Variants in ARHGAP28 observed in about 807,000 individuals in gnomAD.
ARHGAP28 encodes rho GTPase-activating protein 28.
Under a neutral mutation model 90.7 loss-of-function variants are expected in ARHGAP28, and 56 were observed. That is an observed-to-expected ratio of 0.62 (90% CI 0.50 to 0.77). The LOEUF is 0.77. Among genes scored for constraint, ARHGAP28 ranks in the 30% least tolerant of loss-of-function variants. The pLI is 0.00. For missense variants in ARHGAP28, 869 were observed against 900.9 expected (o/e 0.96, Z 0.45); for synonymous variants, 308 against 323.3 (o/e 0.95, Z 0.51).
intron 1 of ARHGAP28, among the ~76,000 whole-genome samples, chr18:6,752,856 A>G (rs1357745453): frequency 6.6e-6 from 1 of 152,178 alleles, no homozygotes; most frequent in Non-Finnish European, 1.5e-5. Flanking sequence ...AAATTAAGCT[A>G]GTATCGTTGC....
intron 1 of ARHGAP28, among the ~76,000 whole-genome samples, chr18:6,757,109 C>T (rs73938286): frequency 6.6e-6 from 1 of 151,898 alleles, no homozygotes. Context: ...CAGTAAAGAG[C>T]ATTACTTAAA....
intron 3 of ARHGAP28, among the ~76,000 whole-genome samples, chr18:6,840,180 ATTC>A (rs2056794788): frequency 6.6e-6 from 1 of 152,286 alleles, no homozygotes; most frequent in Admixed American, 6.5e-5. Context: ...GAGCCTGGGA[ATTC>A]TTCTGAAAAC....
At chr18:6,782,264 C>G (rs2056329847) in intron 1 of ARHGAP28, among the ~76,000 whole-genome samples, 1 of 152,068 alleles carries the variant, frequency 6.6e-6, no homozygotes, top group Non-Finnish European at 1.5e-5. Context: ...GAAGAGTGTT[C>G]ACTGTTTTTT....
intron 1 of ARHGAP28, among the ~76,000 whole-genome samples, chr18:6,783,303 C>CTTT (rs1272954141): frequency 7.1e-6 from 1 of 140,886 alleles, no homozygotes; most frequent in Non-Finnish European, 1.6e-5. Flanking sequence ...AGGGTATTTA[C>CTTT]TTTTTTTTTT....
chr18:6,837,030 T>C (rs1195358642), intron 2 of ARHGAP28, among the ~76,000 whole-genome samples, 167 bp from the exon 3 acceptor site: 1 of 152,232 alleles, frequency 6.6e-6, no homozygotes, highest in Non-Finnish European at 1.5e-5. Context: ...ATTTGACTTA[T>C]TTTAAAAATA....
At chr18:6,891,779 A>T (rs754337777) in intron 14 of ARHGAP28, among the ~76,000 whole-genome samples, 1 of 151,998 alleles carries the variant, frequency 6.6e-6, no homozygotes, top group Non-Finnish European at 1.5e-5. Flanking sequence ...TTTTGTAGAG[A>T]TGGGGGTCTT....
chr18:6,868,123 T>G (rs766318493), intron 5 of ARHGAP28, 27 bp from the exon 6 acceptor site: 3 of 1,579,994 alleles, frequency 1.9e-6, no homozygotes, highest in Non-Finnish European at 2.6e-6. Context: ...GTAAAATGTT[T>G]TGTGTTCATC....
In ARHGAP28 at chr18:6,793,999, T is replaced by C. The variant is rs940126237; in HGVS notation, c.123-30763T>C. The stretch of plus-strand genomic sequence containing the variant: ...TTTCAGTCAGAAAAAAATAAAAATA[T>C]TAGATAACAAACACCATTAAACTTT... On this transcript the variant is annotated intron_variant, in intron 1 of 17. Coordinates refer to ENST00000383472, the MANE Select transcript of ARHGAP28 (RefSeq NM_001366230.1). Among the ~76,000 whole-genome samples the C allele has an allele frequency of 2.0e-5, 3 of 152,232 alleles. No individual in the cohort carries two copies. In the South Asian group the frequency reaches 6.2e-4, roughly 32 times the overall value.
chr18:6,841,208 C>CTCTCTCTCTCTCTCTCTCTCTCTCT (rs1555631529), intron 3 of ARHGAP28, among the ~76,000 whole-genome samples: 9 of 43,130 alleles, frequency 2.1e-4, no homozygotes, highest in Non-Finnish European at 3.1e-4. Flanking sequence ...TCTCTCCTCT[C>CTCTCTCTCTCTCTCTCTCTCTCTCT]CTCTCTCTCT....
chr18:6,877,101 G>A (rs957831462), intron 10 of ARHGAP28, among the ~76,000 whole-genome samples: 1 of 152,176 alleles, frequency 6.6e-6, no homozygotes, highest in South Asian at 2.1e-4. Context: ...CATTTGTAGA[G>A]GCAAAACAGC....
chr18:6,898,959 C>A (rs999790065), intron 16 of ARHGAP28, among the ~76,000 whole-genome samples: 7 of 151,916 alleles, frequency 4.6e-5, no homozygotes, highest in African/African-American at 1.7e-4. Flanking sequence ...GATGGGTACA[C>A]CAAAATCTCA....
chr18:6,872,165 C>T (rs1444067108), intron 7 of ARHGAP28, among the ~76,000 whole-genome samples: 2 of 152,178 alleles, frequency 1.3e-5, no homozygotes, highest in African/African-American at 2.4e-5. Flanking sequence ...GGATGCTGGC[C>T]CCTGCATCTC....
chr18:6,739,007 A>G (rs1036665444), intron 1 of ARHGAP28, among the ~76,000 whole-genome samples: 1 of 152,212 alleles, frequency 6.6e-6, no homozygotes, highest in Non-Finnish European at 1.5e-5. Flanking sequence ...GGCAAGCACT[A>G]TACTAAAAGC....
chr18:6,878,401 T>C (rs896589386), intron 10 of ARHGAP28, among the ~76,000 whole-genome samples: 1 of 148,996 alleles, frequency 6.7e-6, no homozygotes, highest in Middle Eastern at 3.2e-3. Context: ...TGCTAGATGA[T>C]GAGTTAGTGG....
At chr18:6,833,719 G>T (rs1260795871) in intron 2 of ARHGAP28, among the ~76,000 whole-genome samples, 1 of 152,022 alleles carries the variant, frequency 6.6e-6, no homozygotes, top group Non-Finnish European at 1.5e-5. Flanking sequence ...CTTACTTAAG[G>T]TGATATATAC....
At chr18:6,828,100 G>A (rs758462967) in intron 2 of ARHGAP28, among the ~76,000 whole-genome samples, 13 of 152,308 alleles carry the variant, frequency 8.5e-5, no homozygotes, top group African/African-American at 2.9e-4. Flanking sequence ...TGCAATCCCG[G>A]CACCTTGGGA....
chr18:6,819,480 C>G (rs1371150006), intron 1 of ARHGAP28, among the ~76,000 whole-genome samples: 5 of 152,142 alleles, frequency 3.3e-5, no homozygotes, highest in Non-Finnish European at 4.4e-5. Flanking sequence ...TGTCTGCTCC[C>G]TGAGTTTCTG....
chr18:6,742,148 CT>C (rs964616856), intron 1 of ARHGAP28, among the ~76,000 whole-genome samples: 2 of 147,708 alleles, frequency 1.4e-5, no homozygotes, highest in Non-Finnish European at 3.0e-5. Flanking sequence ...ACTTGGTTTT[CT>C]TTTTTTCTTT....
At position 6,729,905 on chromosome 18, in the gene ARHGAP28, C is replaced by A. The variant is rs906748252; in HGVS notation, c.84C>A (p.Arg28=). Residue 28 remains arginine, a synonymous_variant, in exon 1 of 18, where the codon CGC becomes CGA. Coordinates refer to ENST00000383472, the MANE Select transcript of ARHGAP28 (RefSeq NM_001366230.1). ...ARAQPPNAES[R]CAPRAAASHP... Reference sequence around the variant, plus strand: ...CCCAGCCCCCCAACGCCGAGTCGCGCTGCGCGCCCCGCGCCGCAGCCAGCC... The same window carrying A: ...CCCAGCCCCCCAACGCCGAGTCGCGATGCGCGCCCCGCGCCGCAGCCAGCC... The A allele has an allele frequency of 3.5e-6, 5 of 1,417,794 alleles. No homozygotes were observed. The highest frequency in any genetic ancestry group is 5.0e-4 in the Middle Eastern group (2 of 3,994). 87.8% of individuals were successfully genotyped at this position (1,417,794 alleles called of 1,614,324 possible).
Sources: gnomAD v4.1 joint callset for allele counts (sites outside exome capture counted in the v4.1 genomes callset) on GRCh38, gnomAD v4.1.1 for gene constraint, MANE v1.5 for transcripts, NCBI Gene and HGNC (gene_info 2026-07-23, HGNC 2026-07-21) for gene names.